Variants in ZNF460 observed in about 807,000 individuals in gnomAD.
ZNF460 encodes zinc finger protein 272.
In ZNF460, 1 loss-of-function variant was observed where a neutral mutation model predicts 8.4. That is an observed-to-expected ratio of 0.12 (90% CI 0.04 to 0.56). ZNF460 has a LOEUF of 0.56. ZNF460 is among the 20% of genes least tolerant of loss of function. The pLI, the probability that ZNF460 is intolerant of heterozygous loss-of-function variation, is 0.91. For synonymous variants in ZNF460, 262 were observed against 259.9 expected (o/e 1.01, Z -0.08); for missense variants, 477 against 714.8 (o/e 0.67, Z 3.79).
chr19:57,284,249 CAG>C (rs2087863362), intron 1 of ZNF460, among the ~76,000 whole-genome samples: 1 of 150,850 alleles, frequency 6.6e-6, no homozygotes, highest in Admixed American at 6.6e-5. Context: ...TTTTTTGAGA[CAG>C]AGTCTTGCTC....
chr19:57,291,288 T>C lies in ZNF460; in HGVS notation c.747T>C (p.Asp249=), dbSNP rs1330050034. The change falls in exon 3 of 3, where the codon GAT becomes GAC. Residue 249 remains aspartate, a synonymous_variant. Coordinates refer to ENST00000360338, the MANE Select transcript of ZNF460 (RefSeq NM_006635.4). The surrounding 1 kb of genome is among the most constrained non-coding windows in gnomAD (Gnocchi z 8.4). The stretch of plus-strand genomic sequence containing the variant: ...GGCACCAGCGGACTCACAATGGAGA[T>C]AAGCCCTTTGTGTGCAGTGAATGTG... ...LTRHQRTHNG[D]KPFVCSECGR... 1.2e-6 allele frequency: 2 copies of C among 1,612,486 alleles called. No homozygotes were observed. The highest frequency in any genetic ancestry group is 3.3e-5 in the Admixed American group (2 of 59,892).
intron 1 of ZNF460, 29 bp downstream of exon 1, chr19:57,280,865 C>G: frequency 6.2e-7 from 1 of 1,613,848 alleles, no homozygotes; most frequent in Non-Finnish European, 8.5e-7. Flanking sequence ...GGCCTTGCTG[C>G]TGCTGTGCTA....
Position 57,293,999 on chromosome 19 carries a change from A to C in ZNF460, c.*1769A>C. 6.6e-6 allele frequency: 1 copy of C among 152,126 alleles called. No individual in the cohort carries two copies. The highest frequency in any genetic ancestry group is 1.9e-4 in the East Asian group (1 of 5,202). The allele number at this position is 152,126 out of a possible 1,614,324, so 9.4% of individuals were successfully genotyped here. A position where few individuals can be genotyped will look rare whatever the true frequency, so the allele number is the denominator to read the frequency against. On this transcript the variant is annotated 3_prime_UTR_variant, in exon 3 of 3. Transcript: ENST00000360338. ...TCTTTCTTCATTCATCTGATAATGG[A>C]CACTTAGACTGATTTCTTAGCTATT...
At position 57,292,480 on chromosome 19, in the gene ZNF460, T is replaced by C. The variant is rs375866255; in HGVS notation, c.*250T>C. ...GCCAAGAGTCTTATTCTACATCTGATAATTCACCCATGAAAGAGACCCAGT... is the reference window on the plus strand; with the variant it reads ...GCCAAGAGTCTTATTCTACATCTGACAATTCACCCATGAAAGAGACCCAGT... On this transcript the variant is annotated 3_prime_UTR_variant, in exon 3 of 3. Transcript: ENST00000360338. 6.9e-6 allele frequency: 3 copies of C among 436,764 alleles called. No individual in the cohort carries two copies. Among genetic ancestry groups the C allele is most frequent in the Non-Finnish European group, 1.2e-5 (3 of 243,702 alleles). The allele number at this position is 436,764 out of a possible 1,614,324, so 27.1% of individuals were successfully genotyped here.
chr19:57,291,711 G>A lies in ZNF460; in HGVS notation c.1170G>A (p.Lys390=), dbSNP rs2087919137. The change falls in exon 3 of 3, where the codon AAG becomes AAA. Residue 390 remains lysine (K), a synonymous_variant. Coordinates refer to ENST00000360338, the MANE Select transcript of ZNF460 (RefSeq NM_006635.4). The surrounding 1 kb of genome is among the most constrained non-coding windows in gnomAD (Gnocchi z 8.4). ...ATGAAAGAGCCCACACTGGAGAAAA[G>A]CCTTTTGAGTGCAAAGAATGTGGGA... is the stretch of plus-strand genomic sequence containing the variant. ...VLHERAHTGE[K]PFECKECGKA... 2 of 1,614,058 alleles carry A rather than the reference G, an allele frequency of 1.2e-6. No homozygotes were observed. Among genetic ancestry groups the A allele is most frequent in the African/African-American group, 1.3e-5 (1 of 74,932 alleles).
intron 1 of ZNF460, among the ~76,000 whole-genome samples, chr19:57,283,284 T>C (rs946316236): frequency 1.1e-4 from 16 of 151,560 alleles, no homozygotes; most frequent in African/African-American, 2.9e-4. Context: ...ATTCTCCTGC[T>C]TCAGCCTCCC....
chr19:57,287,299 A>G (rs534048671), intron 2 of ZNF460, among the ~76,000 whole-genome samples: 1 of 152,228 alleles, frequency 6.6e-6, no homozygotes, highest in Non-Finnish European at 1.5e-5. Flanking sequence ...CCATTTGTCC[A>G]TTACCCTGCT....
In ZNF460 at chr19:57,284,671, G is replaced by T. The variant is rs138473913; in HGVS notation, c.151G>T (p.Ala51Ser). ...VMLETCGLLV[A>S]LGDSTKPETV... ...GCTGGAGACCTGTGGGCTTCTGGTC[G>T]CACTGGGTAAGGCCTGTCCTCTCCT... Residue 51 changes from alanine (A) to serine (S), a missense_variant, in exon 2 of 3, where the codon GCA becomes TCA. Physicochemically the swap from Ala to Ser is moderately conservative, Grantham distance 99. This residue lies in a region of ZNF460 where 169 missense variants were observed against 178.6 expected (regional missense o/e 0.95). Transcript: ENST00000360338. The T allele has an allele frequency of 4.3e-6, 7 of 1,609,214 alleles. No homozygotes were observed. The highest frequency in any genetic ancestry group is 5.9e-6 in the Non-Finnish European group (7 of 1,177,700).
rs1301581707 is a variant in ZNF460, at chr19:57,284,219, TTTTA to T, written c.31-316_31-313del. On this transcript the variant is annotated intron_variant, in intron 1 of 2. Coordinates refer to ENST00000360338, the MANE Select transcript of ZNF460 (RefSeq NM_006635.4). ...TTATTTATTTATTTATTTATTTATTTTTTATTTATTTATTTATTTTTTTTTGAGA... is the reference window on the plus strand; with the variant it reads ...TTATTTATTTATTTATTTATTTATTTTTTATTTATTTATTTTTTTTTGAGA... Among the ~76,000 whole-genome samples the T allele has an allele frequency of 1.2e-3, 147 of 125,708 alleles. 1 individual carries two copies. The highest frequency in any genetic ancestry group is 3.9e-3 in the African/African-American group (130 of 33,194). 82.5% of individuals were successfully genotyped at this position (125,708 alleles called of 152,430 possible). A position where few individuals can be genotyped will look rare whatever the true frequency, so the allele number is the denominator to read the frequency against.
Position 57,281,344 on chromosome 19 carries a change from C to T in ZNF460, c.30+508C>T, listed in dbSNP as rs540597474. Among the ~76,000 whole-genome samples the T allele has an allele frequency of 9.9e-5, 15 of 152,120 alleles. 1 individual carries two copies. The highest frequency in any genetic ancestry group is 6.2e-4 in the South Asian group (3 of 4,824). On this transcript the variant is annotated intron_variant, in intron 1 of 2. Transcript: ENST00000360338. Reference sequence around the variant, plus strand: ...TTGGAGGTGCCTTTTTTGGCAATTCCGGCTAAAGTGGCACCTTACACCCTT... The same window carrying T: ...TTGGAGGTGCCTTTTTTGGCAATTCTGGCTAAAGTGGCACCTTACACCCTT...
intron 2 of ZNF460, among the ~76,000 whole-genome samples, chr19:57,287,516 T>C (rs1037069815): frequency 3.9e-5 from 6 of 152,092 alleles, no homozygotes; most frequent in African/African-American, 1.4e-4. Flanking sequence ...AGAAATGGAG[T>C]CTCACTATGT....
chr19:57,290,831 A>G lies in ZNF460; in HGVS notation c.290A>G (p.Asp97Gly), dbSNP rs772746108. Residue 97 changes from aspartate (D) to glycine (G), a missense_variant, in exon 3 of 3, where the codon GAT becomes GGT. Physicochemically the swap from Asp to Gly is moderately conservative, Grantham distance 94 (BLOSUM62 -1). Transcript: ENST00000360338. ...YSYLGQAMDQ[D>G]GPSEMQEYFL... ...TATTTGGGGCAGGCCATGGATCAAG[A>G]TGGGCCATCTGAAATGCAGGAATAC... The G allele has an allele frequency of 6.2e-7, 1 of 1,614,194 alleles. No individual in the cohort carries two copies. The highest frequency in any genetic ancestry group is 8.5e-7 in the Non-Finnish European group (1 of 1,180,038).
At position 57,291,378 on chromosome 19, in the gene ZNF460, T is replaced by A. The variant is rs1218498908; in HGVS notation, c.837T>A (p.Pro279=). The A allele has an allele frequency of 6.2e-7, 1 of 1,613,504 alleles. No individual in the cohort carries two copies. The highest frequency in any genetic ancestry group is 2.2e-5 in the East Asian group (1 of 44,796). Residue 279 remains proline, a synonymous_variant, in exon 3 of 3, where the codon CCT becomes CCA. Coordinates refer to ENST00000360338, the MANE Select transcript of ZNF460 (RefSeq NM_006635.4). This position sits in a 1 kb window ranked among gnomAD's most constrained non-coding sequence, Gnocchi z 8.4. ...RHQRVHSGEK[P]FVCNECGKAF... is the part of the protein sequence containing the mutation. ...AGCGGGTTCACAGTGGAGAGAAGCC[T>A]TTTGTGTGCAATGAATGTGGAAAGG...
intron 2 of ZNF460, among the ~76,000 whole-genome samples, chr19:57,287,466 T>C (rs1430889081): frequency 6.6e-6 from 1 of 152,118 alleles, no homozygotes; most frequent in Non-Finnish European, 1.5e-5. Context: ...ATGGAGTAGG[T>C]TGTATATTCA....
intron 2 of ZNF460, among the ~76,000 whole-genome samples, chr19:57,287,008 G>A (rs1177894335): frequency 6.8e-6 from 1 of 147,642 alleles, no homozygotes; most frequent in Non-Finnish European, 1.5e-5. Context: ...TTTTGCTTAT[G>A]TATAAACCCA....
In ZNF460 at chr19:57,291,684, G is replaced by A. The variant is rs1292229570; in HGVS notation, c.1143G>A (p.Leu381=). ...TCACTCACTATTCCACCTATGTCCT[G>A]CATGAAAGAGCCCACACTGGAGAAA... ...KAFTHYSTYV[L]HERAHTGEKP... The change falls in exon 3 of 3, where the codon CTG becomes CTA. Residue 381 remains leucine (L), a synonymous_variant. Coordinates refer to ENST00000360338, the MANE Select transcript of ZNF460 (RefSeq NM_006635.4). This position sits in a 1 kb window ranked among gnomAD's most constrained non-coding sequence, Gnocchi z 8.4. The A allele has an allele frequency of 2.5e-6, 4 of 1,614,030 alleles. No homozygotes were observed. Among genetic ancestry groups the A allele is most frequent in the Non-Finnish European group, 3.4e-6 (4 of 1,179,950 alleles).
chr19:57,287,064 A>C (rs1419564475), intron 2 of ZNF460, among the ~76,000 whole-genome samples: 1 of 151,896 alleles, frequency 6.6e-6, no homozygotes, highest in East Asian at 1.9e-4. Flanking sequence ...CCAGCTCCTC[A>C]TCAGGGTTTT....
chr19:57,280,563 C>G lies in ZNF460; in HGVS notation c.-244C>G. The G allele has an allele frequency of 1.7e-6, 1 of 585,386 alleles. No homozygotes were observed. Among genetic ancestry groups the G allele is most frequent in the Non-Finnish European group, 3.0e-6 (1 of 329,248 alleles). The allele number at this position is 585,386 out of a possible 1,614,324, so 36.3% of individuals were successfully genotyped here. A position where few individuals can be genotyped will look rare whatever the true frequency, so the allele number is the denominator to read the frequency against. ...GGACGGGTAGTGAAGCGGTTACGCC[C>G]CTTCTTCGCGTCTTGGCGGGAGCCT... On this transcript the variant is annotated 5_prime_UTR_variant, in exon 1 of 3. Coordinates refer to ENST00000360338, the MANE Select transcript of ZNF460 (RefSeq NM_006635.4).
At position 57,280,555 on chromosome 19, in the gene ZNF460, G is replaced by A; in HGVS notation, c.-252G>A. ...CTGAGCAGGGACGGGTAGTGAAGCG[G>A]TTACGCCCCTTCTTCGCGTCTTGGC... is the stretch of plus-strand genomic sequence containing the variant. On this transcript the variant is annotated 5_prime_UTR_variant, in exon 1 of 3. Transcript: ENST00000360338. The A allele has an allele frequency of 1.7e-6, 1 of 578,792 alleles. No individual in the cohort carries two copies. Among genetic ancestry groups the A allele is most frequent in the Non-Finnish European group, 3.1e-6 (1 of 324,642 alleles). The allele number at this position is 578,792 out of a possible 1,614,324, so 35.9% of individuals were successfully genotyped here.
Sources: allele counts gnomAD v4.1 joint callset (sites outside exome capture counted in the v4.1 genomes callset), GRCh38; gene constraint gnomAD v4.1.1; regional missense constraint gnomAD v4.1.1; non-coding constraint Gnocchi (gnomAD v3.1); transcripts MANE v1.5; gene names NCBI Gene and HGNC (gene_info 2026-07-23, HGNC 2026-07-21).